Variants in CSF3R observed in about 807,000 individuals in gnomAD.
CSF3R encodes the protein granulocyte colony-stimulating factor receptor.
In CSF3R, 52 loss-of-function variants were observed where a neutral mutation model predicts 84.4. The observed-to-expected ratio is 0.62, with a 90% CI of 0.49 to 0.78. The LOEUF (loss-of-function observed/expected upper bound fraction) is 0.78, where lower values mean the gene tolerates loss of function less well. Among genes scored for constraint, CSF3R ranks in the 30% least tolerant of loss-of-function variants. CSF3R has a pLI of 0.00. For missense variants in CSF3R, 890 were observed against 1,055.7 expected, an observed-to-expected ratio of 0.84 and a Z score of 2.17; for synonymous variants, 384 against 429.1, an observed-to-expected ratio of 0.89 and a Z score of 1.30.
chr1:36,471,719 G>T (rs1650751842), intron 9 of CSF3R, 73 bp from the exon 10 acceptor site: 1 of 1,492,476 alleles, frequency 6.7e-7, no homozygotes, highest in Non-Finnish European at 9.3e-7. Flanking sequence ...TCTAGGTGGG[G>T]TGGATGGATC....
chr1:36,468,943 T>C (rs186780967), intron 12 of CSF3R: 31 of 569,994 alleles, frequency 5.4e-5, no homozygotes, highest in African/African-American at 5.3e-4. Flanking sequence ...CTCCTTGAAT[T>C]GTGCCAACTC....
chr1:36,468,496 T>C, intron 12 of CSF3R: 1 of 347,974 alleles, frequency 2.9e-6, no homozygotes, highest in Non-Finnish European at 5.2e-6. Context: ...CTCTGATTTC[T>C]GCCACTCACT....
Position 36,467,752 on chromosome 1 carries a change from C to G in CSF3R, c.1864+70G>C. 6.2e-7 allele frequency: 1 copy of G among 1,613,848 alleles called. No individual in the cohort carries two copies. The highest frequency in any genetic ancestry group is 2.2e-5 in the East Asian group (1 of 44,882). ...TTCAAAGTCAGTCCCCAGCTACTCT[C>G]AAAATCAGCATCCTTTGGGTGGGGT... On this transcript the variant is annotated intron_variant, in intron 14 of 16. Coordinates refer to ENST00000373106, the MANE Select transcript of CSF3R (RefSeq NM_000760.4). This position sits in a 1 kb window ranked among gnomAD's most constrained non-coding sequence, Gnocchi z 4.1.
At position 36,466,165 on chromosome 1, in the gene CSF3R, G is replaced by T; in HGVS notation, c.*192C>A. 6.2e-7 allele frequency: 1 copy of T among 1,614,218 alleles called. No individual in the cohort carries two copies. Among genetic ancestry groups the T allele is most frequent in the East Asian group, 2.2e-5 (1 of 44,884 alleles). On this transcript the variant is annotated 3_prime_UTR_variant, in exon 17 of 17. Coordinates refer to ENST00000373106, the MANE Select transcript of CSF3R (RefSeq NM_000760.4). The surrounding 1 kb of genome is among the most constrained non-coding windows in gnomAD (Gnocchi z 4.6). Reference sequence around the variant, plus strand: ...GTGGGGCTGGATGGAGCATGATCTGGTCCTTAAAGTATGCAGATCGCCTGG... The same window carrying T: ...GTGGGGCTGGATGGAGCATGATCTGTTCCTTAAAGTATGCAGATCGCCTGG...
At chr1:36,473,096 AT>A (rs919245414) in intron 6 of CSF3R, 2 of 388,822 alleles carry the variant, frequency 5.1e-6, no homozygotes, top group African/African-American at 2.1e-5. Context: ...ATTCTATCTT[AT>A]TTTCCCCCCC....
At position 36,467,606 on chromosome 1, in the gene CSF3R, A is replaced by T. The variant is rs1280405093; in HGVS notation, c.1910T>A (p.Leu637Gln). 1 of 1,614,200 alleles carries T rather than the reference A, an allele frequency of 6.2e-7. No individual in the cohort carries two copies. Among genetic ancestry groups the T allele is most frequent in the East Asian group, 2.2e-5 (1 of 44,886 alleles). The change falls in exon 15 of 17, where the codon CTG (leucine) becomes CAG (glutamine). Residue 637 changes from leucine (L) to glutamine (Q), a missense_variant. Coordinates refer to ENST00000373106, the MANE Select transcript of CSF3R (RefSeq NM_000760.4). The surrounding 1 kb of genome is among the most constrained non-coding windows in gnomAD (Gnocchi z 4.1). ...HIILGLFGLL[L>Q]LLTCLCGTAW... is the part of the protein sequence containing the mutation. ...AGTTCCACAGAGGCAGGTGAGCAAC[A>T]GCAGGAGGCCGAACAGGCCCAGGAT...
At chr1:36,475,911 G>A (rs1042753624) in intron 3 of CSF3R, 4 of 511,252 alleles carry the variant, frequency 7.8e-6, no homozygotes, top group East Asian at 3.1e-5. Flanking sequence ...AGCAGACCCT[G>A]GTTTGTAGTG....
Position 36,467,930 on chromosome 1 carries a change from CAA to C in CSF3R, c.1754_1755del (p.Phe585CysfsTer118). The C allele has an allele frequency of 6.2e-7, 1 of 1,614,224 alleles. No individual in the cohort carries two copies. Among genetic ancestry groups the C allele is most frequent in the Non-Finnish European group, 8.5e-7 (1 of 1,180,052 alleles). On this transcript the variant is annotated frameshift_variant, in exon 14 of 17. Coordinates refer to ENST00000373106, the MANE Select transcript of CSF3R (RefSeq NM_000760.4). LOFTEE classifies it high-confidence loss of function. The surrounding 1 kb of genome is among the most constrained non-coding windows in gnomAD (Gnocchi z 4.1). ...CTGGCGGGCTCCAGGCCATGGAGGA[CAA>C]AGCCACGGGAGGAGGCATTCAGGAT... ...SAILNASSRGFVLHGLEPASL... is the reference protein window; with the variant it reads ...SAILNASSRGXVLHGLEPASL...
upstream of CSF3R, chr1:36,483,188 T>C (rs1217802079): frequency 1.3e-5 from 2 of 152,236 alleles, no homozygotes; most frequent in African/African-American, 4.8e-5. Context: ...CCCACCTGGC[T>C]GGGTGCCATC....
chr1:36,471,001 A>T (rs753462706), intron 10 of CSF3R, among the ~76,000 whole-genome samples: 3 of 152,082 alleles, frequency 2.0e-5, no homozygotes, highest in Non-Finnish European at 4.4e-5. Context: ...ATGGGAGGTA[A>T]CTTACTCAGG....
rs765090007 is a variant in CSF3R, at chr1:36,467,667, G to C, written c.1865-16C>G. 3 of 1,613,992 alleles carry C rather than the reference G, an allele frequency of 1.9e-6. No individual in the cohort carries two copies. In the South Asian group the frequency reaches 3.3e-5, roughly 18 times the overall value. ...TCCGACCCCTCTGCAGTGAGGGCAGGGCCGGAAGAAGTTAGAATGCATGTT... is the reference window on the plus strand; with the variant it reads ...TCCGACCCCTCTGCAGTGAGGGCAGCGCCGGAAGAAGTTAGAATGCATGTT... On this transcript the variant is annotated splice_polypyrimidine_tract_variant and intron_variant, in intron 14 of 16. Transcript: ENST00000373106. This position sits in a 1 kb window ranked among gnomAD's most constrained non-coding sequence, Gnocchi z 4.1.
intron 1 of CSF3R, chr1:36,482,142 TAAAG>T (rs921342196): frequency 1.3e-4 from 20 of 151,532 alleles, no homozygotes; most frequent in African/African-American, 4.1e-4. Flanking sequence ...ATGCTGCAGA[TAAAG>T]AAAAAGAGAG....
chr1:36,472,129 G>A lies in CSF3R; in HGVS notation c.1008C>T (p.Val336=). ...TCTGCCGCCACCATGTGTCCAGTCTGACAGTGGGGGCTGTGGATGGAACAA... is the reference window on the plus strand; with the variant it reads ...TCTGCCGCCACCATGTGTCCAGTCTAACAGTGGGGGCTGTGGATGGAACAA... ...ELRTTERAPT[V]RLDTWWRQRQ... The change falls in exon 9 of 17, where the codon GTC becomes GTT. Residue 336 remains valine, a synonymous_variant. Coordinates refer to ENST00000373106, the MANE Select transcript of CSF3R (RefSeq NM_000760.4). The surrounding 1 kb of genome is among the most constrained non-coding windows in gnomAD (Gnocchi z 5.0). 2 of 1,613,936 alleles carry A rather than the reference G, an allele frequency of 1.2e-6. No individual in the cohort carries two copies.
At chr1:36,479,393 T>C (rs745848553) in intron 3 of CSF3R, 40 bp downstream of exon 3, 2 of 1,594,024 alleles carry the variant, frequency 1.3e-6, no homozygotes, top group South Asian at 2.2e-5. Flanking sequence ...TCCTTGTAGC[T>C]TCCCCTCCCC....
chr1:36,470,709 A>G (rs1274168837), intron 10 of CSF3R, among the ~76,000 whole-genome samples: 4 of 152,214 alleles, frequency 2.6e-5, no homozygotes, highest in Non-Finnish European at 4.4e-5. Context: ...GGGTGGTGGC[A>G]GCTGATTTCC....
intron 6 of CSF3R, chr1:36,473,151 C>T: frequency 4.1e-6 from 2 of 490,972 alleles, no homozygotes; most frequent in Non-Finnish European, 3.6e-6. Context: ...GCTTTGTATC[C>T]CCAGTACCTA....
At chr1:36,479,868 G>A (rs1651409101) in intron 2 of CSF3R, 2 of 358,374 alleles carry the variant, frequency 5.6e-6, no homozygotes, top group African/African-American at 4.2e-5. Flanking sequence ...AACCTGAGAT[G>A]AGGAATTGCA....
intron 9 of CSF3R, 72 bp from the exon 10 acceptor site, chr1:36,471,718 G>A: frequency 6.7e-7 from 1 of 1,498,534 alleles, no homozygotes; most frequent in African/African-American, 1.4e-5. Context: ...CTCTAGGTGG[G>A]GTGGATGGAT....
At position 36,466,996 on chromosome 1, in the gene CSF3R, C is replaced by T; in HGVS notation, c.2041-169G>A. On this transcript the variant is annotated intron_variant, in intron 16 of 16. Coordinates refer to ENST00000373106, the MANE Select transcript of CSF3R (RefSeq NM_000760.4). The surrounding 1 kb of genome is among the most constrained non-coding windows in gnomAD (Gnocchi z 4.6). ...GTATGTTCCTCACACATGCCTGACA[C>T]ATGCCATGCACCGTTCAGACTCAGC... The T allele has an allele frequency of 2.0e-6, 3 of 1,512,798 alleles. No individual in the cohort carries two copies. The highest frequency in any genetic ancestry group is 2.7e-6 in the Non-Finnish European group (3 of 1,105,186). The allele number at this position is 1,512,798 out of a possible 1,614,324, so 93.7% of individuals were successfully genotyped here. A position where few individuals can be genotyped will look rare whatever the true frequency, so the allele number is the denominator to read the frequency against.
Sources: gnomAD v4.1 joint callset for allele counts (sites outside exome capture counted in the v4.1 genomes callset) on GRCh38, gnomAD v4.1.1 for gene constraint, Gnocchi (gnomAD v3.1) non-coding constraint, MANE v1.5 for transcripts, NCBI Gene and HGNC (gene_info 2026-07-23, HGNC 2026-07-21) for gene names.